The following IL19 variants were observed in gnomAD, a reference collection of about 807,000 sequenced individuals.
IL19 encodes the protein interleukin-19.
A neutral mutation model predicts 19.5 loss-of-function variants in IL19; 15 were observed. That is an observed-to-expected ratio of 0.77 (90% confidence interval 0.52 to 1.19). The LOEUF (loss-of-function observed/expected upper bound fraction) is 1.19, where lower values mean the gene tolerates loss of function less well. Ranked by LOEUF, IL19 falls within the 50% of genes most tolerant of loss-of-function variation. The pLI, the probability that IL19 is intolerant of heterozygous loss-of-function variation, is 0.00. For missense variants in IL19, 199 were observed against 213.1 expected, an observed-to-expected ratio of 0.93 and a Z score of 0.41; for synonymous variants, 78 against 78.3, an observed-to-expected ratio of 1.00 and a Z score of 0.02.
At chr1:206,831,876 C>T (rs1676618889) in intron 2 of IL19, among the ~76,000 whole-genome samples, 1 of 152,224 alleles carries the variant, frequency 6.6e-6, no homozygotes, top group Non-Finnish European at 1.5e-5. Flanking sequence ...CTGCAAGCTT[C>T]CTGATATGAC....
chr1:206,834,753 C>A (rs149905314), intron 2 of IL19, among the ~76,000 whole-genome samples: 7 of 152,204 alleles, frequency 4.6e-5, no homozygotes, highest in African/African-American at 1.7e-4. Context: ...ATGTAAGGAG[C>A]ATCACTGGTT....
intron 2 of IL19, among the ~76,000 whole-genome samples, chr1:206,800,966 C>T (rs1298286861): frequency 6.6e-6 from 1 of 152,210 alleles, no homozygotes; most frequent in East Asian, 1.9e-4. Context: ...TGAGACATTA[C>T]TCCTGCCTGT....
chr1:206,833,300 TC>T (rs1364063294), intron 2 of IL19, among the ~76,000 whole-genome samples: 2 of 152,256 alleles, frequency 1.3e-5, no homozygotes, highest in African/African-American at 2.4e-5. Context: ...AAAGTTACTT[TC>T]CTTGTAAAGG....
intron 2 of IL19, among the ~76,000 whole-genome samples, chr1:206,813,132 T>C (rs566748498): frequency 6.6e-6 from 1 of 152,340 alleles, no homozygotes; most frequent in African/African-American, 2.4e-5. Flanking sequence ...CTGTATCAGT[T>C]ATTGCCTCTC....
intron 2 of IL19, among the ~76,000 whole-genome samples, chr1:206,824,422 A>G (rs1676377414): frequency 6.6e-6 from 1 of 152,226 alleles, no homozygotes; most frequent in Non-Finnish European, 1.5e-5. Flanking sequence ...TGAGAAGAGT[A>G]TTGGTGGAAT....
rs1674962111 is a variant in IL19 at position 206,775,227 on chromosome 1, T to C, written c.-149+4149T>C. Among the ~76,000 whole-genome samples the C allele has an allele frequency of 2.0e-5, 3 of 151,922 alleles. No individual in the cohort carries two copies. The South Asian group carries it at 6.2e-4, about 32-fold the overall frequency. ...GGCTAAGTTTTTTTATTTTTTTTTGTATTTTTATTAGAGACGGGGTTTCAC... is the reference window on the plus strand; with the variant it reads ...GGCTAAGTTTTTTTATTTTTTTTTGCATTTTTATTAGAGACGGGGTTTCAC... On this transcript the variant is annotated intron_variant, in intron 1 of 6. Transcript: ENST00000659997.
At chr1:206,832,994 G>A (rs1273690727) in intron 2 of IL19, among the ~76,000 whole-genome samples, 1 of 152,234 alleles carries the variant, frequency 6.6e-6, no homozygotes, top group African/African-American at 2.4e-5. Flanking sequence ...AACAGGGTTT[G>A]TACCAGCCCA....
At chr1:206,809,869 T>C (rs1172537503) in intron 2 of IL19, among the ~76,000 whole-genome samples, 1 of 152,264 alleles carries the variant, frequency 6.6e-6, no homozygotes, top group East Asian at 1.9e-4. Context: ...GTAGATTGCA[T>C]GTTGCAGCTC....
chr1:206,817,851 C>T (rs1676199961), intron 2 of IL19, among the ~76,000 whole-genome samples: 2 of 151,840 alleles, frequency 1.3e-5, no homozygotes, highest in African/African-American at 4.8e-5. Context: ...GCAACCTCTG[C>T]CTTCTGGGTT....
In IL19 at chr1:206,802,188, A is replaced by G. The variant is rs139241212; in HGVS notation, c.-3+3182A>G. 2.0e-3 allele frequency among the ~76,000 whole-genome samples: 311 copies of G among 152,028 alleles called. 1 individual carries two copies. Among genetic ancestry groups the G allele is most frequent in the African/African-American group, 7.1e-3 (295 of 41,574 alleles). On this transcript the variant is annotated intron_variant, in intron 2 of 6. Transcript: ENST00000659997. Reference sequence around the variant, plus strand: ...AGAGGCCCAGGAAGGAAGGTCACACAGCTTATGAGTTGGTGATGGAGATGG... The same window carrying G: ...AGAGGCCCAGGAAGGAAGGTCACACGGCTTATGAGTTGGTGATGGAGATGG...
At chr1:206,821,070 A>G (rs1369066792) in intron 2 of IL19, among the ~76,000 whole-genome samples, 4 of 152,192 alleles carry the variant, frequency 2.6e-5, no homozygotes, top group African/African-American at 9.7e-5. Flanking sequence ...TACCACTGTA[A>G]TGGATTATCC....
At position 206,771,537 on chromosome 1, in the gene IL19, A is replaced by C. The variant is rs549649349; in HGVS notation, c.-149+459A>C. 128 of 796,968 alleles carry C rather than the reference A, an allele frequency of 1.6e-4. No individual in the cohort carries two copies. The African/African-American group carries it at 1.8e-3, about 11-fold the overall frequency. 49.4% of individuals were successfully genotyped at this position (796,968 alleles called of 1,614,324 possible). A position where few individuals can be genotyped will look rare whatever the true frequency, so the allele number is the denominator to read the frequency against. ...AAATAAAATTGGCTCTGGCCCAAAA[A>C]AATCAAAAGGGGAGTTTTAAAAACA... is the stretch of plus-strand genomic sequence containing the variant. On this transcript the variant is annotated intron_variant, in intron 1 of 6. Coordinates refer to ENST00000659997, the MANE Select transcript of IL19 (RefSeq NM_153758.5).
intron 1 of IL19, among the ~76,000 whole-genome samples, chr1:206,787,205 A>G (rs867733750): frequency 2.2e-4 from 33 of 152,074 alleles, no homozygotes; most frequent in African/African-American, 8.0e-4. Context: ...CTTTTCACCA[A>G]CAGAATTCTT....
Position 206,827,683 on chromosome 1 carries a change from C to T in IL19, c.-2-8978C>T, listed in dbSNP as rs1196440939. Among the ~76,000 whole-genome samples the T allele has an allele frequency of 3.6e-5, 5 of 137,332 alleles. No homozygotes were observed. The South Asian group carries it at 1.2e-3, about 33-fold the overall frequency. 90.1% of individuals were successfully genotyped at this position (137,332 alleles called of 152,430 possible). A position where few individuals can be genotyped will look rare whatever the true frequency, so the allele number is the denominator to read the frequency against. On this transcript the variant is annotated intron_variant, in intron 2 of 6. Coordinates refer to ENST00000659997, the MANE Select transcript of IL19 (RefSeq NM_153758.5). Reference sequence around the variant, plus strand: ...TCCAGCCTGGGTGACAGCGAGACTCCGTCTCAAAAAACAAAACAAAACAAA... The same window carrying T: ...TCCAGCCTGGGTGACAGCGAGACTCTGTCTCAAAAAACAAAACAAAACAAA...
chr1:206,812,463 T>C (rs1572561313), intron 2 of IL19, among the ~76,000 whole-genome samples: 3 of 152,316 alleles, frequency 2.0e-5, no homozygotes, highest in African/African-American at 7.2e-5. Flanking sequence ...GGTTACTCTA[T>C]GACTGGGGCG....
chr1:206,830,237 C>T (rs558530742), intron 2 of IL19, among the ~76,000 whole-genome samples: 8 of 152,200 alleles, frequency 5.3e-5, no homozygotes, highest in South Asian at 2.1e-4. Context: ...ATTTCTTCAT[C>T]ACTGTAATGT....
intron 2 of IL19, among the ~76,000 whole-genome samples, chr1:206,836,197 G>T (rs1676788202): frequency 6.6e-6 from 1 of 152,166 alleles, no homozygotes; most frequent in African/African-American, 2.4e-5. Flanking sequence ...TAATAAAAGG[G>T]TGTTACTTAT....
At chr1:206,800,762 A>G (rs1376574526) in intron 2 of IL19, among the ~76,000 whole-genome samples, 1 of 152,228 alleles carries the variant, frequency 6.6e-6, no homozygotes, top group East Asian at 1.9e-4. Context: ...CACAAAAAAT[A>G]TGGGGAAAAG....
chr1:206,804,020 C>T (rs376797393), intron 2 of IL19, among the ~76,000 whole-genome samples: 1 of 152,210 alleles, frequency 6.6e-6, no homozygotes, highest in Admixed American at 6.5e-5. Context: ...TCCTTTCTCT[C>T]TTCGCCCTGT....
Sources: allele counts gnomAD v4.1 joint callset (sites outside exome capture counted in the v4.1 genomes callset), GRCh38; gene constraint gnomAD v4.1.1; transcripts MANE v1.5; gene names NCBI Gene and HGNC (gene_info 2026-07-23, HGNC 2026-07-21).